The following NPAS3 variants were observed in gnomAD, a reference collection of about 807,000 sequenced individuals.
NPAS3 encodes the protein neuronal PAS domain protein 3.
A neutral mutation model predicts 73.1 loss-of-function variants in NPAS3; 14 were observed. The ratio of observed to expected loss-of-function variants is 0.19; its 90% CI spans 0.13 to 0.30. NPAS3 has a LOEUF of 0.30. NPAS3 is among the 10% of genes least tolerant of loss of function. The pLI is 1.00. For synonymous variants in NPAS3, 620 were observed against 541.5 expected, an observed-to-expected ratio of 1.14 and a Z score of -2.01; for missense variants, 1,096 against 1,250.0, an observed-to-expected ratio of 0.88 and a Z score of 1.86.
At chr14:33,450,743 T>G (rs973090521) in intron 4 of NPAS3, among the ~76,000 whole-genome samples, 2 of 152,218 alleles carry the variant, frequency 1.3e-5, no homozygotes, top group Admixed American at 6.5e-5. Context: ...CAATACATAT[T>G]TTAATTGCTG....
At chr14:33,688,180 G>A (rs1330751233) in intron 6 of NPAS3, among the ~76,000 whole-genome samples, 1 of 152,190 alleles carries the variant, frequency 6.6e-6, no homozygotes, top group Non-Finnish European at 1.5e-5. Flanking sequence ...CATCACCTAG[G>A]TGGTAAGCAT....
intron 4 of NPAS3, among the ~76,000 whole-genome samples, chr14:33,391,629 G>C (rs1333395799): frequency 2.0e-5 from 3 of 152,234 alleles, no homozygotes; most frequent in Non-Finnish European, 4.4e-5. Context: ...AAATGGAGTG[G>C]TGAAAGAGAG....
intron 9 of NPAS3, among the ~76,000 whole-genome samples, chr14:33,791,654 G>C (rs1305504373): frequency 2.6e-5 from 4 of 152,004 alleles, no homozygotes; most frequent in African/African-American, 9.7e-5. Flanking sequence ...GGAAGGAGGG[G>C]GTGATCTTTA....
intron 2 of NPAS3, among the ~76,000 whole-genome samples, chr14:33,085,825 G>A (rs539229011): frequency 5.1e-4 from 78 of 152,050 alleles, no homozygotes; most frequent in Non-Finnish European, 9.3e-4. Flanking sequence ...GTATTATTAC[G>A]ATTGAAAGTA....
chr14:33,241,137 C>T (rs1305373828), intron 3 of NPAS3, among the ~76,000 whole-genome samples: 1 of 151,844 alleles, frequency 6.6e-6, no homozygotes, highest in African/African-American at 2.4e-5. Context: ...AATAGTGAAG[C>T]TCTGCATGAA....
rs376835196 is a variant in NPAS3, at chr14:33,235,285, C to T, written c.385+19859C>T. On this transcript the variant is annotated intron_variant, in intron 3 of 11. Coordinates refer to ENST00000356141, the Ensembl canonical transcript of NPAS3. ...TGTTTGGCTTCTTTTTACCTGCACG[C>T]GTTAATTAAGCGATAGTATAAATGA... is the stretch of plus-strand genomic sequence containing the variant. Among the ~76,000 whole-genome samples the T allele has an allele frequency of 4.5e-4, 69 of 152,074 alleles. 2 individuals are homozygous for T. The highest frequency in any genetic ancestry group is 1.6e-3 in the African/African-American group (65 of 41,498).
At chr14:33,264,155 A>C (rs917250043) in intron 3 of NPAS3, among the ~76,000 whole-genome samples, 1 of 152,182 alleles carries the variant, frequency 6.6e-6, no homozygotes, top group Admixed American at 6.5e-5. Flanking sequence ...CATCATTCTC[A>C]GCAAACGATT....
intron 5 of NPAS3, among the ~76,000 whole-genome samples, chr14:33,649,583 G>C (rs1271004289): frequency 1.3e-5 from 2 of 152,168 alleles, no homozygotes; most frequent in Non-Finnish European, 2.9e-5. Context: ...TGGTTATTGT[G>C]TCGGATGCAT....
At chr14:33,708,462 T>C (rs2060722404) in intron 6 of NPAS3, among the ~76,000 whole-genome samples, 1 of 152,190 alleles carries the variant, frequency 6.6e-6, no homozygotes, top group South Asian at 2.1e-4. Context: ...AAAATTATGT[T>C]ACATCTTAAA....
At chr14:33,310,634 G>T (rs985603756) in intron 3 of NPAS3, among the ~76,000 whole-genome samples, 19 of 152,280 alleles carry the variant, frequency 1.2e-4, no homozygotes, top group African/African-American at 4.6e-4. Flanking sequence ...CACTAAGATA[G>T]TTCTTTCTGT....
chr14:33,097,686 G>A lies in NPAS3; in HGVS notation c.140+41692G>A, dbSNP rs561236150. ...TCTTTGCCAAGATCTGTTTTCTGTC[G>A]TTCATTTTTAGCCATTCTGGTGGAT... On this transcript the variant is annotated intron_variant, in intron 2 of 11. Coordinates refer to ENST00000356141, the Ensembl canonical transcript of NPAS3. 1.1e-4 allele frequency among the ~76,000 whole-genome samples: 17 copies of A among 152,172 alleles called. 1 individual carries two copies. In the South Asian group the frequency reaches 2.5e-3, roughly 22 times the overall value.
At chr14:33,304,979 A>G (rs1376191847) in intron 3 of NPAS3, among the ~76,000 whole-genome samples, 1 of 152,154 alleles carries the variant, frequency 6.6e-6, no homozygotes, top group African/African-American at 2.4e-5. Context: ...ATAGTTATCT[A>G]TAAATGTCCA....
At chr14:33,583,628 T>C (rs2056761600) in intron 5 of NPAS3, among the ~76,000 whole-genome samples, 1 of 152,208 alleles carries the variant, frequency 6.6e-6, no homozygotes, top group African/African-American at 2.4e-5. Context: ...AATCTCTTTT[T>C]CTTTCCAGTT....
At chr14:33,116,820 T>G (rs1165884342) in intron 2 of NPAS3, among the ~76,000 whole-genome samples, 1 of 151,800 alleles carries the variant, frequency 6.6e-6, no homozygotes, top group African/African-American at 2.4e-5. Flanking sequence ...TCATATTCTG[T>G]CTGCTGGAAC....
chr14:33,245,046 C>T (rs1239458078), intron 3 of NPAS3, among the ~76,000 whole-genome samples: 3 of 152,146 alleles, frequency 2.0e-5, no homozygotes, highest in Non-Finnish European at 4.4e-5. Flanking sequence ...GGCAGTTCTC[C>T]TGATGTAGCT....
intron 4 of NPAS3, among the ~76,000 whole-genome samples, chr14:33,559,914 G>A (rs915655379): frequency 1.3e-5 from 2 of 151,660 alleles, no homozygotes; most frequent in Admixed American, 1.3e-4. Context: ...AGCTACTCGG[G>A]AGGCTAAGGC....
intron 6 of NPAS3, among the ~76,000 whole-genome samples, chr14:33,692,562 A>G (rs1196163479): frequency 6.6e-6 from 1 of 152,170 alleles, no homozygotes; most frequent in African/African-American, 2.4e-5. Flanking sequence ...GAAAGAAAGG[A>G]GACACTTAAA....
At chr14:33,218,053 T>A (rs527741708) in intron 3 of NPAS3, among the ~76,000 whole-genome samples, 1 of 152,270 alleles carries the variant, frequency 6.6e-6, no homozygotes, top group African/African-American at 2.4e-5. Context: ...TTAAGATGTA[T>A]AAAAAGAAGA....
At chr14:32,947,420 A>C (rs1281350961) in intron 1 of NPAS3, among the ~76,000 whole-genome samples, 1 of 152,144 alleles carries the variant, frequency 6.6e-6, no homozygotes, top group East Asian at 1.9e-4. Context: ...TTTATTAACT[A>C]GTATGTATTG....
Sources: allele counts gnomAD v4.1 joint callset (sites outside exome capture counted in the v4.1 genomes callset), GRCh38; gene constraint gnomAD v4.1.1; transcripts MANE v1.5; gene names NCBI Gene and HGNC (gene_info 2026-07-23, HGNC 2026-07-21).